DHRSX: variants seen among roughly 807,000 people sequenced by gnomAD.
DHRSX encodes the protein dehydrogenase/reductase X-linked.
DHRSX carries 31 observed loss-of-function variants against 34.0 expected under a neutral mutation model. The ratio of observed to expected loss-of-function variants is 0.91; its 90% CI spans 0.69 to 1.23. DHRSX has a LOEUF of 1.23. Ranked by LOEUF, DHRSX falls within the 50% of genes most tolerant of loss-of-function variation. The pLI, the probability that DHRSX is intolerant of heterozygous loss-of-function variation, is 0.00. For missense variants in DHRSX, 414 were observed against 428.1 expected (o/e 0.97, Z 0.29); for synonymous variants, 201 against 183.8 (o/e 1.09, Z -0.76).
intron 6 of DHRSX, among the ~76,000 whole-genome samples, chrX:2,229,453 T>C (rs961072385): frequency 5.9e-5 from 9 of 152,084 alleles, no homozygotes; most frequent in African/African-American, 1.9e-4. Context: ...CTTGCCTCTC[T>C]GTACCTGCTG....
chrX:2,484,725 C>T lies in DHRSX; in HGVS notation c.109+16092G>A, dbSNP rs143569583. 6.4e-3 allele frequency among the ~76,000 whole-genome samples: 969 copies of T among 152,132 alleles called. 14 individuals carry two copies. The highest frequency in any genetic ancestry group is 0.019 in the African/African-American group (806 of 41,508). On this transcript the variant is annotated intron_variant, in intron 1 of 6. Coordinates refer to ENST00000334651, the MANE Select transcript of DHRSX (RefSeq NM_145177.3). ...CAGAAATCACTGGGAAAGGACGGGG[C>T]GGCGGGCCTGAGATCACAGAGGGGA...
chrX:2,422,014 G>C (rs1322957757), intron 2 of DHRSX, among the ~76,000 whole-genome samples: 3 of 152,100 alleles, frequency 2.0e-5, no homozygotes, highest in Non-Finnish European at 2.9e-5. Context: ...CTGAGCCCTG[G>C]TCACCAGATC....
At chrX:2,352,727 G>T (rs190037955) in intron 3 of DHRSX, among the ~76,000 whole-genome samples, 1 of 152,098 alleles carries the variant, frequency 6.6e-6, no homozygotes, top group Non-Finnish European at 1.5e-5. Context: ...TGAATGCTAC[G>T]GTGATAGCTA....
chrX:2,259,941 T>G (rs1037260813), intron 5 of DHRSX, among the ~76,000 whole-genome samples: 1 of 152,218 alleles, frequency 6.6e-6, no homozygotes, highest in Non-Finnish European at 1.5e-5. Flanking sequence ...AAATAAAGTC[T>G]CATTCTAGGT....
At chrX:2,408,716 A>G (rs767605568) in intron 3 of DHRSX, 29 bp downstream of exon 3, 4 of 1,586,826 alleles carry the variant, frequency 2.5e-6, no homozygotes, top group Admixed American at 1.9e-5. Flanking sequence ...AAAAAAACAA[A>G]AAAAAGCCAT....
chrX:2,373,818 A>C (rs748603179), intron 3 of DHRSX, among the ~76,000 whole-genome samples: 1 of 152,272 alleles, frequency 6.6e-6, no homozygotes, highest in Admixed American at 6.5e-5. Context: ...CGGCCAGGAA[A>C]TAGAGGTGAG....
At chrX:2,485,067 A>C (rs1317657) in intron 1 of DHRSX, among the ~76,000 whole-genome samples, 104,798 of 152,084 alleles carry the variant, frequency 0.69, 36,440 homozygotes, top group East Asian at 0.87. Context: ...GGAAACAAAA[A>C]CAACCAGCTC....
intron 4 of DHRSX, among the ~76,000 whole-genome samples, chrX:2,284,512 C>T (rs1351840230): frequency 1.3e-5 from 2 of 152,222 alleles, no homozygotes; most frequent in African/African-American, 4.8e-5. Flanking sequence ...TTTTCAGGGT[C>T]ACCCTGTATC....
At position 2,266,950 on chromosome X, in the gene DHRSX, G is replaced by A. The variant is rs2041483216; in HGVS notation, c.389-3C>T. 4.3e-6 allele frequency: 7 copies of A among 1,613,760 alleles called. No homozygotes were observed. In the South Asian group the frequency reaches 6.6e-5, roughly 15 times the overall value. Reference sequence around the variant, plus strand: ...CTGAGGGACCATCATCACCCCAGCTGGACAAAAGAGAATATCAGAAGGAGT... The same window carrying A: ...CTGAGGGACCATCATCACCCCAGCTAGACAAAAGAGAATATCAGAAGGAGT... On this transcript the variant is annotated splice_region_variant and splice_polypyrimidine_tract_variant and intron_variant, in intron 4 of 6. Coordinates refer to ENST00000334651, the MANE Select transcript of DHRSX (RefSeq NM_145177.3).
At position 2,455,741 on chromosome X, in the gene DHRSX, CAAA is replaced by C. The variant is rs752123891; in HGVS notation, c.110-30440_110-30438del. Among the ~76,000 whole-genome samples, 3 of 59,804 alleles carry C rather than the reference CAAA, an allele frequency of 5.0e-5. 1 individual carries two copies. In the Admixed American group the frequency reaches 5.2e-4, roughly 10 times the overall value. The allele number at this position is 59,804 out of a possible 152,430, so 39.2% of individuals were successfully genotyped here. On this transcript the variant is annotated intron_variant, in intron 1 of 6. Transcript: ENST00000334651. ...TGGCGACAAGAACAAAACTTCGTCT[CAAA>C]AAAAAAAAAAAAAAAAACAATAAAA...
chrX:2,241,890 A>G (rs1158987545), intron 6 of DHRSX, among the ~76,000 whole-genome samples: 1 of 152,186 alleles, frequency 6.6e-6, no homozygotes, highest in Non-Finnish European at 1.5e-5. Flanking sequence ...TCTGGGCAAC[A>G]CAGAACGAAA....
intron 6 of DHRSX, among the ~76,000 whole-genome samples, chrX:2,238,208 T>C (rs2016060245): frequency 2.0e-5 from 3 of 152,140 alleles, no homozygotes; most frequent in South Asian, 4.2e-4. Context: ...TTTTAAAAAA[T>C]TAGCCAGGCA....
At position 2,496,471 on chromosome X, in the gene DHRSX, T is replaced by G. The variant is rs753883137; in HGVS notation, c.109+4346A>C. On this transcript the variant is annotated intron_variant, in intron 1 of 6. Transcript: ENST00000334651. ...GCCTCAGCCTCCCAAAGTGCTGGGA[T>G]TATAGGCATGAGCCACCGCACCCGG... Among the ~76,000 whole-genome samples the G allele has an allele frequency of 3.9e-4, 59 of 152,302 alleles. No individual in the cohort carries two copies. In the East Asian group the frequency reaches 0.011, roughly 29 times the overall value.
chrX:2,312,647 C>T (rs928868188), intron 3 of DHRSX, among the ~76,000 whole-genome samples: 1 of 152,024 alleles, frequency 6.6e-6, no homozygotes, highest in African/African-American at 2.4e-5. Context: ...AGCAAACTAC[C>T]ATGGCACGTG....
At chrX:2,496,310 T>G (rs759309288) in intron 1 of DHRSX, among the ~76,000 whole-genome samples, 26 of 152,284 alleles carry the variant, frequency 1.7e-4, no homozygotes, top group Admixed American at 1.0e-3. Context: ...ACCATTCTCC[T>G]GCCTCAGCCT....
intron 3 of DHRSX, among the ~76,000 whole-genome samples, chrX:2,390,132 T>C (rs1468717584): frequency 6.9e-6 from 1 of 144,004 alleles, no homozygotes; most frequent in Non-Finnish European, 1.5e-5. Flanking sequence ...ACATAAAGTT[T>C]AGCATTTTAA....
intron 3 of DHRSX, among the ~76,000 whole-genome samples, chrX:2,315,211 G>A (rs148846257): frequency 0.014 from 2,140 of 151,920 alleles, 24 homozygotes; most frequent in Middle Eastern, 0.11. Context: ...TGAGTCTCCT[G>A]GCTTGGTGCT....
intron 1 of DHRSX, among the ~76,000 whole-genome samples, chrX:2,495,478 C>T (rs1369733295): frequency 2.0e-5 from 3 of 151,986 alleles, no homozygotes; most frequent in African/African-American, 7.3e-5. Context: ...GCCAAAATTC[C>T]CAAACCCCTA....
intron 5 of DHRSX, among the ~76,000 whole-genome samples, chrX:2,250,517 G>A (rs778096560): frequency 6.6e-6 from 1 of 152,196 alleles, no homozygotes; most frequent in East Asian, 1.9e-4. Context: ...CCAATTCCCG[G>A]AGCTGAAGGT....
Sources: allele counts gnomAD v4.1 joint callset (sites outside exome capture counted in the v4.1 genomes callset), GRCh38; gene constraint gnomAD v4.1.1; transcripts MANE v1.5; gene names NCBI Gene and HGNC (gene_info 2026-07-23, HGNC 2026-07-21).